The following CREB5 variants were observed in gnomAD, a reference collection of about 807,000 sequenced individuals.
The protein encoded by CREB5 is cAMP responsive element binding protein 5, also known as cyclic AMP-responsive element-binding protein 5.
In CREB5, 19 loss-of-function variants were observed where a neutral mutation model predicts 57.1. That is an observed-to-expected ratio of 0.33 (90% confidence interval 0.23 to 0.49). The LOEUF is 0.49. Among genes scored for constraint, CREB5 ranks in the 20% least tolerant of loss-of-function variants. CREB5 has a pLI of 0.99. For synonymous variants in CREB5, 238 were observed against 238.3 expected, an observed-to-expected ratio of 1.00 and a Z score of 0.01; for missense variants, 579 against 671.6, an observed-to-expected ratio of 0.86 and a Z score of 1.52.
intron 1 of CREB5, among the ~76,000 whole-genome samples, chr7:28,394,273 A>G (rs1205238061): frequency 6.6e-6 from 1 of 152,088 alleles, no homozygotes; most frequent in Admixed American, 6.5e-5. Context: ...AAGCAAACAA[A>G]GAAAAAGAAA....
At chr7:28,560,807 CGCGTGT>C (rs796192647) in intron 4 of CREB5, among the ~76,000 whole-genome samples, 881 of 14,916 alleles carry the variant, frequency 0.059, 84 homozygotes, top group Middle Eastern at 0.14. Flanking sequence ...AGTGTGTGTG[CGCGTGT>C]GTGTGTGTGC....
chr7:28,604,660 G>A (rs1308698107), intron 5 of CREB5, among the ~76,000 whole-genome samples: 1 of 151,492 alleles, frequency 6.6e-6, no homozygotes, highest in East Asian at 1.9e-4. Context: ...TAAAAGTCAT[G>A]AGCACAGCCC....
At chr7:28,674,905 A>G (rs1481822988) in intron 5 of CREB5, among the ~76,000 whole-genome samples, 1 of 152,224 alleles carries the variant, frequency 6.6e-6, no homozygotes, top group African/African-American at 2.4e-5. Flanking sequence ...AGTGACTTGC[A>G]ATACTCCACC....
chr7:28,476,011 G>A (rs185041440), intron 1 of CREB5, among the ~76,000 whole-genome samples: 4 of 152,278 alleles, frequency 2.6e-5, no homozygotes, highest in Admixed American at 2.0e-4. Context: ...TAACAACTGT[G>A]AGAAGTAGGT....
chr7:28,365,881 A>G (rs1484559141), intron 1 of CREB5, among the ~76,000 whole-genome samples: 3 of 152,200 alleles, frequency 2.0e-5, no homozygotes, highest in Non-Finnish European at 4.4e-5. Flanking sequence ...TTTGTAGACC[A>G]TTACACATTT....
At chr7:28,785,287 G>A (rs760679405) in intron 7 of CREB5, among the ~76,000 whole-genome samples, 45 of 152,312 alleles carry the variant, frequency 3.0e-4, no homozygotes, top group African/African-American at 8.4e-4. Context: ...AGGTGCTTGC[G>A]TTATAGGATG....
intron 1 of CREB5, among the ~76,000 whole-genome samples, chr7:28,366,633 G>C (rs976911887): frequency 1.3e-5 from 2 of 152,266 alleles, no homozygotes; most frequent in South Asian, 4.1e-4. Context: ...CACAAAAAAA[G>C]TTTTCTAATG....
intron 4 of CREB5, among the ~76,000 whole-genome samples, chr7:28,556,092 A>G (rs1438590636): frequency 6.6e-6 from 1 of 152,194 alleles, no homozygotes; most frequent in African/African-American, 2.4e-5. Context: ...GTCAACCCAT[A>G]TATCCTGGCT....
At chr7:28,452,463 T>C (rs1288771833) in intron 1 of CREB5, among the ~76,000 whole-genome samples, 3 of 152,168 alleles carry the variant, frequency 2.0e-5, no homozygotes, top group Admixed American at 1.3e-4. Flanking sequence ...TAAAATAATG[T>C]GTATTTGTAT....
intron 1 of CREB5, among the ~76,000 whole-genome samples, chr7:28,406,895 T>A (rs1729040697): frequency 1.4e-5 from 2 of 144,754 alleles, no homozygotes; most frequent in African/African-American, 5.2e-5. Flanking sequence ...GGGTAAAGGT[T>A]CCCTTTTCAT....
chr7:28,659,282 G>T (rs1189112967), intron 5 of CREB5, among the ~76,000 whole-genome samples: 1 of 152,052 alleles, frequency 6.6e-6, no homozygotes, highest in Non-Finnish European at 1.5e-5. Context: ...AGATGGAAAT[G>T]GTGTTCAGAG....
intron 5 of CREB5, among the ~76,000 whole-genome samples, chr7:28,606,488 G>A (rs1322828448): frequency 2.0e-5 from 3 of 152,174 alleles, no homozygotes; most frequent in Non-Finnish European, 4.4e-5. Flanking sequence ...TGTGAGAACA[G>A]TCATCCATCC....
At chr7:28,488,289 T>G (rs1307088809) in intron 2 of CREB5, 43 bp downstream of exon 2, 1 of 1,584,806 alleles carries the variant, frequency 6.3e-7, no homozygotes, top group Non-Finnish European at 8.6e-7. Flanking sequence ...CAGGGCCTGC[T>G]TTCCGAAAGG....
chr7:28,322,794 T>G (rs187323940), intron 1 of CREB5, among the ~76,000 whole-genome samples: 1 of 152,236 alleles, frequency 6.6e-6, no homozygotes, highest in African/African-American at 2.4e-5. Flanking sequence ...TCCGTTTTTA[T>G]GGCTGCATAG....
intron 7 of CREB5, among the ~76,000 whole-genome samples, chr7:28,782,217 G>A (rs1043287956): frequency 4.6e-5 from 7 of 152,128 alleles, no homozygotes; most frequent in African/African-American, 1.7e-4. Flanking sequence ...ACCCAAGACT[G>A]CTGAATACAT....
chr7:28,421,544 G>A (rs111508473), intron 1 of CREB5, among the ~76,000 whole-genome samples: 15 of 152,090 alleles, frequency 9.9e-5, no homozygotes, highest in East Asian at 9.7e-4. Flanking sequence ...GTAGACAGAC[G>A]ACATTGGTAT....
intron 6 of CREB5, among the ~76,000 whole-genome samples, chr7:28,720,543 T>G (rs1361722764): frequency 4.8e-4 from 73 of 152,086 alleles, no homozygotes; most frequent in Non-Finnish European, 2.9e-5. Context: ...TATCTAAGTA[T>G]AGGCAGGGGA....
At chr7:28,595,015 T>A (rs1796646775) in intron 5 of CREB5, among the ~76,000 whole-genome samples, 2 of 152,178 alleles carry the variant, frequency 1.3e-5, no homozygotes, top group South Asian at 4.1e-4. Flanking sequence ...ACTTTAGTCA[T>A]TCATTGAATA....
At chr7:28,661,239 C>T (rs1799598515) in intron 5 of CREB5, among the ~76,000 whole-genome samples, 1 of 152,108 alleles carries the variant, frequency 6.6e-6, no homozygotes, top group Non-Finnish European at 1.5e-5. Context: ...CTCCTTAAGC[C>T]CCATTCCTAG....
Sources: allele counts gnomAD v4.1 joint callset (sites outside exome capture counted in the v4.1 genomes callset), GRCh38; gene constraint gnomAD v4.1.1; transcripts MANE v1.5; gene names NCBI Gene and HGNC (gene_info 2026-07-23, HGNC 2026-07-21).